Variants in HEATR3 observed in about 807,000 individuals in gnomAD.
HEATR3 encodes HEAT repeat-containing protein 3.
In HEATR3, 56 loss-of-function variants were observed where a neutral mutation model predicts 72.8. The ratio of observed to expected loss-of-function variants is 0.77; its 90% CI spans 0.62 to 0.96. The LOEUF (loss-of-function observed/expected upper bound fraction) is 0.96. Ranked by LOEUF, HEATR3 falls within the 40% of genes least tolerant of loss-of-function variation. The pLI, the probability that HEATR3 is intolerant of heterozygous loss-of-function variation, is 0.00. For synonymous variants in HEATR3, 331 were observed against 318.1 expected, an observed-to-expected ratio of 1.04 and a Z score of -0.43; for missense variants, 747 against 831.4, an observed-to-expected ratio of 0.90 and a Z score of 1.25.
chr16:50,068,640 G>T, intron 2 of HEATR3, 140 bp from the exon 3 acceptor site: 1 of 658,248 alleles, frequency 1.5e-6, no homozygotes, highest in Non-Finnish European at 2.7e-6. Context: ...CTCTGGATTG[G>T]TTCTGCAGCG....
At chr16:50,098,649 C>A (rs911212072) in intron 12 of HEATR3, among the ~76,000 whole-genome samples, 2 of 150,944 alleles carry the variant, frequency 1.3e-5, no homozygotes. Context: ...GAGCGATACT[C>A]CGTTTCAAAA....
At chr16:50,102,832 G>A (rs1041743400) in intron 14 of HEATR3, among the ~76,000 whole-genome samples, 7 of 152,010 alleles carry the variant, frequency 4.6e-5, no homozygotes, top group African/African-American at 1.7e-4. Flanking sequence ...GTGCGATCTT[G>A]GCTCACTGCG....
intron 12 of HEATR3, among the ~76,000 whole-genome samples, chr16:50,095,401 C>G (rs2037211796): frequency 9.8e-6 from 1 of 102,038 alleles, no homozygotes; most frequent in Non-Finnish European, 1.9e-5. Flanking sequence ...ACCACCGTAC[C>G]CAGCTTTTTT....
intron 7 of HEATR3, among the ~76,000 whole-genome samples, chr16:50,080,439 C>G (rs1483236514): frequency 2.0e-5 from 3 of 150,966 alleles, no homozygotes; most frequent in Non-Finnish European, 4.4e-5. Flanking sequence ...CTCCCAGGTT[C>G]GAGCAATTCT....
rs2036480066 is a variant in HEATR3 at position 50,066,084 on chromosome 16, G to A, written c.-48G>A. 1 of 1,547,356 alleles carries A rather than the reference G, an allele frequency of 6.5e-7. No individual in the cohort carries two copies. The highest frequency in any genetic ancestry group is 2.0e-5 in the Admixed American group (1 of 51,242). ...AACGGCGCGGCAGCCTCCACCGCCT[G>A]CTGTTGCCCTCCTCTCTCGGTGGTC... On this transcript the variant is annotated 5_prime_UTR_variant, in exon 1 of 15. Transcript: ENST00000299192.
At chr16:50,092,146 G>A (rs1008306401) in intron 11 of HEATR3, among the ~76,000 whole-genome samples, 13 of 151,838 alleles carry the variant, frequency 8.6e-5, no homozygotes, top group African/African-American at 3.1e-4. Flanking sequence ...AGACCAGCCT[G>A]TACATATGAT....
At chr16:50,099,571 C>G (rs1032740025) in intron 12 of HEATR3, among the ~76,000 whole-genome samples, 1 of 152,170 alleles carries the variant, frequency 6.6e-6, no homozygotes, top group Non-Finnish European at 1.5e-5. Flanking sequence ...CCAAGCCTTT[C>G]ATCACTACAC....
Position 50,066,347 on chromosome 16 carries a change from C to A in HEATR3, c.139-20C>A, listed in dbSNP as rs1257016496. On this transcript the variant is annotated intron_variant, in intron 1 of 14. Coordinates refer to ENST00000299192, the MANE Select transcript of HEATR3 (RefSeq NM_182922.4). Reference sequence around the variant, plus strand: ...CGTGCGCATTGCGCGCCTTCTGACCCTTTTCGCTCTCATCCGCAGCTCCAG... The same window carrying A: ...CGTGCGCATTGCGCGCCTTCTGACCATTTTCGCTCTCATCCGCAGCTCCAG... 6.4e-7 allele frequency: 1 copy of A among 1,556,874 alleles called. No individual in the cohort carries two copies. Among genetic ancestry groups the A allele is most frequent in the Non-Finnish European group, 8.6e-7 (1 of 1,161,730 alleles).
At chr16:50,069,113 C>G (rs1286991531) in intron 3 of HEATR3, 1 of 316,882 alleles carries the variant, frequency 3.2e-6, no homozygotes, top group African/African-American at 2.1e-5. Context: ...AGATGTTAAA[C>G]TTCTTACAAT....
At position 50,084,047 on chromosome 16, in the gene HEATR3, T is replaced by C. The variant is rs778051829; in HGVS notation, c.1132+20T>C. 6.2e-7 allele frequency: 1 copy of C among 1,613,880 alleles called. No homozygotes were observed. The highest frequency in any genetic ancestry group is 8.5e-7 in the Non-Finnish European group (1 of 1,179,774). On this transcript the variant is annotated intron_variant, in intron 8 of 14. Transcript: ENST00000299192. The stretch of plus-strand genomic sequence containing the variant: ...ATGAAGGTTTGTTAACATTTACATT[T>C]AGACATTTTCCCCCTGAGCCAAGAG...
chr16:50,098,682 T>G (rs868815092), intron 12 of HEATR3, among the ~76,000 whole-genome samples: 20 of 151,644 alleles, frequency 1.3e-4, no homozygotes, highest in Non-Finnish European at 2.9e-4. Flanking sequence ...ATAAATAATT[T>G]AAAAATTAAA....
chr16:50,066,387 G>C lies in HEATR3; in HGVS notation c.159G>C (p.Glu53Asp), dbSNP rs552861738. 82 of 1,548,492 alleles carry C rather than the reference G, an allele frequency of 5.3e-5. No homozygotes were observed. The South Asian group carries it at 8.7e-4, about 16-fold the overall frequency. The stretch of plus-strand genomic sequence containing the variant: ...CGCAGCTCCAGCACCCGAGCGCCGA[G>C]GTCCGCGAGTGCGCCTGCGCAGGGC... ...LLEKLQHPSA[E>D]VRECACAGLA... Residue 53 changes from glutamate to aspartate, a missense_variant, in exon 2 of 15, where the codon GAG (glutamate) becomes GAC (aspartate). By Grantham distance (45) the Glu-to-Asp change is conservative. Coordinates refer to ENST00000299192, the MANE Select transcript of HEATR3 (RefSeq NM_182922.4).
At chr16:50,090,771 A>C (rs926013409) in intron 11 of HEATR3, among the ~76,000 whole-genome samples, 1 of 152,204 alleles carries the variant, frequency 6.6e-6, no homozygotes, top group African/African-American at 2.4e-5. Context: ...GAGAATCAGA[A>C]CGTTCTTTTT....
intron 12 of HEATR3, 50 bp from the exon 13 acceptor site, chr16:50,100,180 G>T: frequency 1.3e-6 from 2 of 1,565,942 alleles, no homozygotes; most frequent in South Asian, 1.2e-5. Context: ...CATGCTGATA[G>T]AATTAATTGA....
rs759332766 is a variant in HEATR3, at chr16:50,084,159, G to A, written c.1158G>A (p.Glu386=). ...ATCCCTCTGATGACGAATGGGAAGA[G>A]CTTTCTAGCAGTGATGAAAGTGACG... is the stretch of plus-strand genomic sequence containing the variant. ...NEDPSDDEWE[E]LSSSDESDAF... The change falls in exon 9 of 15, where the codon GAG becomes GAA. Residue 386 remains glutamate (E), a synonymous_variant. Coordinates refer to ENST00000299192, the MANE Select transcript of HEATR3 (RefSeq NM_182922.4). The A allele has an allele frequency of 6.2e-7, 1 of 1,614,184 alleles. No individual in the cohort carries two copies. The highest frequency in any genetic ancestry group is 1.1e-5 in the South Asian group (1 of 91,088).
At chr16:50,084,061 C>CT in intron 8 of HEATR3, 34 bp downstream of exon 8, 1 of 1,613,696 alleles carries the variant, frequency 6.2e-7, no homozygotes, top group Non-Finnish European at 8.5e-7. Flanking sequence ...CATTTTCCCC[C>CT]TGAGCCAAGA....
chr16:50,072,464 C>A, intron 4 of HEATR3, 141 bp from the exon 5 acceptor site: 1 of 608,218 alleles, frequency 1.6e-6, no homozygotes, highest in Non-Finnish European at 3.0e-6. Flanking sequence ...GGTGTTAGTT[C>A]CTTCATCGAT....
chr16:50,076,517 C>T (rs1415187786), intron 6 of HEATR3, among the ~76,000 whole-genome samples: 3 of 151,768 alleles, frequency 2.0e-5, no homozygotes, highest in African/African-American at 2.4e-5. Flanking sequence ...TGGAAAAATA[C>T]ACATGAAATT....
At chr16:50,084,490 A>C in intron 9 of HEATR3, 79 bp from the exon 10 acceptor site, 1 of 1,165,404 alleles carries the variant, frequency 8.6e-7, no homozygotes, top group Non-Finnish European at 1.3e-6. Context: ...ACTTAGGAGT[A>C]ATATGTTGGA....
Sources: allele counts gnomAD v4.1 joint callset (sites outside exome capture counted in the v4.1 genomes callset), GRCh38; gene constraint gnomAD v4.1.1; transcripts MANE v1.5; gene names NCBI Gene and HGNC (gene_info 2026-07-23, HGNC 2026-07-21).